Variants in FAM117B observed in about 807,000 individuals in gnomAD.
The protein encoded by FAM117B is family with sequence similarity 117 member B, also known as protein FAM117B.
Under a neutral mutation model 52.8 loss-of-function variants are expected in FAM117B, and 22 were observed. The observed-to-expected ratio is 0.42, with a 90% CI of 0.30 to 0.59. The LOEUF (loss-of-function observed/expected upper bound fraction) is 0.59, where lower values mean the gene tolerates loss of function less well. Ranked by LOEUF, FAM117B falls within the 20% of genes least tolerant of loss-of-function variation. The pLI is 0.22. For missense variants in FAM117B, 678 were observed against 802.6 expected (o/e 0.84, Z 1.88); for synonymous variants, 309 against 324.1 (o/e 0.95, Z 0.50).
intron 2 of FAM117B, among the ~76,000 whole-genome samples, chr2:202,717,864 T>C (rs1042880137): frequency 6.6e-6 from 1 of 152,210 alleles, no homozygotes; most frequent in Non-Finnish European, 1.5e-5. Context: ...CAAAATCAGC[T>C]AGGTTTGTGT....
chr2:202,675,259 C>G (rs976070762), intron 1 of FAM117B, among the ~76,000 whole-genome samples: 16 of 151,084 alleles, frequency 1.1e-4, no homozygotes, highest in African/African-American at 3.9e-4. Flanking sequence ...AAAGCCTGAG[C>G]AACAGGTGAT....
intron 1 of FAM117B, among the ~76,000 whole-genome samples, chr2:202,694,188 C>CTTTTTT (rs757843381): frequency 1.5e-4 from 15 of 99,064 alleles, no homozygotes; most frequent in African/African-American, 3.1e-4. Context: ...AAACCCACTT[C>CTTTTTT]TTTTTTTTTT....
At chr2:202,643,941 C>T (rs1689811594) in intron 1 of FAM117B, among the ~76,000 whole-genome samples, 1 of 152,062 alleles carries the variant, frequency 6.6e-6, no homozygotes, top group South Asian at 2.1e-4. Context: ...AACTCCTGGC[C>T]TCAAGTGATC....
rs1228256729 is a variant in FAM117B at position 202,653,878 on chromosome 2, T to C, written c.601+18090T>C. Among the ~76,000 whole-genome samples the C allele has an allele frequency of 3.9e-5, 6 of 152,174 alleles. No homozygotes were observed. In the South Asian group the frequency reaches 8.3e-4, roughly 21 times the overall value. ...TAATGAAATGGTCTTCCAGGTTCTC[T>C]CTTGCATTTCAAGTATGCTACTATT... On this transcript the variant is annotated intron_variant, in intron 1 of 7. Coordinates refer to ENST00000392238, the MANE Select transcript of FAM117B (RefSeq NM_173511.4).
At chr2:202,742,157 T>C (rs1691553283) in intron 4 of FAM117B, among the ~76,000 whole-genome samples, 1 of 152,206 alleles carries the variant, frequency 6.6e-6, no homozygotes, top group South Asian at 2.1e-4. Context: ...TCAGTAAGCT[T>C]TTTTACAGCA....
intron 1 of FAM117B, among the ~76,000 whole-genome samples, chr2:202,642,086 C>T (rs573033374): frequency 2.0e-5 from 3 of 150,074 alleles, no homozygotes; most frequent in East Asian, 1.9e-4. Flanking sequence ...GGACTACAGC[C>T]GTGTGCCACC....
intron 4 of FAM117B, among the ~76,000 whole-genome samples, chr2:202,744,707 T>G (rs920906314): frequency 5.9e-5 from 9 of 151,768 alleles, no homozygotes; most frequent in Admixed American, 3.9e-4. Flanking sequence ...GCATGGTGGC[T>G]CACGCTTGTA....
rs1041610221 is a variant in FAM117B at position 202,716,706 on chromosome 2, C to CT, written c.754-8203dup. ...AGGCATGCTTTATTGTTTTCGTTTT[C>CT]TTTTTTTTCTTTTGTCTCTTCTGAG... On this transcript the variant is annotated intron_variant, in intron 2 of 7. Transcript: ENST00000392238. Among the ~76,000 whole-genome samples, 34 of 152,016 alleles carry CT rather than the reference C, an allele frequency of 2.2e-4. 1 individual carries two copies. Among genetic ancestry groups the CT allele is most frequent in the African/African-American group, 7.2e-4 (30 of 41,494 alleles).
chr2:202,682,514 C>T (rs1222290493), intron 1 of FAM117B, among the ~76,000 whole-genome samples: 10 of 152,148 alleles, frequency 6.6e-5, no homozygotes, highest in African/African-American at 9.7e-5. Context: ...CTGCCAATGC[C>T]GAAGTGGCTG....
chr2:202,759,170 A>C, intron 6 of FAM117B, 63 bp from the exon 7 acceptor site: 9 of 1,580,396 alleles, frequency 5.7e-6, no homozygotes, highest in Non-Finnish European at 7.7e-6. Context: ...GGCTAGTCCA[A>C]GAACAATTAA....
intron 6 of FAM117B, 141 bp downstream of exon 6, chr2:202,757,579 G>GT: frequency 1.1e-6 from 1 of 902,276 alleles, no homozygotes; most frequent in Non-Finnish European, 1.7e-6. Flanking sequence ...TCAATTTGGA[G>GT]TGTAAACAGG....
intron 1 of FAM117B, 69 bp from the exon 2 acceptor site, chr2:202,695,812 T>A: frequency 6.7e-7 from 1 of 1,490,690 alleles, no homozygotes; most frequent in Non-Finnish European, 9.0e-7. Flanking sequence ...TCTACATAGT[T>A]TAAAACTTAG....
chr2:202,725,692 C>G (rs1020273025), intron 3 of FAM117B, among the ~76,000 whole-genome samples: 36 of 152,090 alleles, frequency 2.4e-4, no homozygotes, highest in Non-Finnish European at 4.4e-4. Flanking sequence ...GGTTATGGCT[C>G]CATGCTATGA....
chr2:202,734,789 G>C (rs1691414203), intron 4 of FAM117B, among the ~76,000 whole-genome samples: 1 of 152,182 alleles, frequency 6.6e-6, no homozygotes, highest in African/African-American at 2.4e-5. Context: ...AAATGTAAAA[G>C]ATGTAAACAG....
At chr2:202,663,646 C>T (rs974582624) in intron 1 of FAM117B, among the ~76,000 whole-genome samples, 3 of 149,592 alleles carry the variant, frequency 2.0e-5, no homozygotes, top group African/African-American at 7.4e-5. Flanking sequence ...TGCAGTGGCG[C>T]GATCTTGGCT....
chr2:202,677,616 C>T (rs1306117060), intron 1 of FAM117B, among the ~76,000 whole-genome samples: 1 of 151,864 alleles, frequency 6.6e-6, no homozygotes, highest in Non-Finnish European at 1.5e-5. Flanking sequence ...TGCACTCAAG[C>T]CTTGGCTCTG....
intron 4 of FAM117B, among the ~76,000 whole-genome samples, chr2:202,729,341 A>C (rs1691304773): frequency 6.6e-6 from 1 of 152,184 alleles, no homozygotes; most frequent in South Asian, 2.1e-4. Flanking sequence ...CTCAAAAAAA[A>C]AAAAATTTAA....
At chr2:202,646,992 A>G (rs1689877906) in intron 1 of FAM117B, among the ~76,000 whole-genome samples, 1 of 152,184 alleles carries the variant, frequency 6.6e-6, no homozygotes, top group Non-Finnish European at 1.5e-5. Flanking sequence ...TTTTGGGGGA[A>G]AATGTGCAGT....
At chr2:202,701,829 GAT>G (rs1690798732) in intron 2 of FAM117B, among the ~76,000 whole-genome samples, 1 of 152,210 alleles carries the variant, frequency 6.6e-6, no homozygotes, top group Admixed American at 6.5e-5. Flanking sequence ...GCTTCTTATG[GAT>G]GAGCAAATAA....
Sources: gnomAD v4.1 joint callset for allele counts (sites outside exome capture counted in the v4.1 genomes callset) on GRCh38, gnomAD v4.1.1 for gene constraint, MANE v1.5 for transcripts, NCBI Gene and HGNC (gene_info 2026-07-23, HGNC 2026-07-21) for gene names.